The following TNRC6B variants were observed in gnomAD, a reference collection of about 807,000 sequenced individuals.
TNRC6B encodes the protein trinucleotide repeat-containing gene 6B protein.
In TNRC6B, 52 loss-of-function variants were observed where a neutral mutation model predicts 203.6. That is an observed-to-expected ratio of 0.26 (90% CI 0.20 to 0.32). The LOEUF is 0.32. TNRC6B is among the 10% of genes least tolerant of loss of function. The probability of loss-of-function intolerance (pLI) is 1.00; values close to 1 mark genes in which losing one functional copy is unlikely to be tolerated. For missense variants in TNRC6B, 1,923 were observed against 2,286.2 expected (o/e 0.84, Z 3.24); for synonymous variants, 838 against 845.7 (o/e 0.99, Z 0.16).
chr22:40,045,378 A>G lies in TNRC6B; in HGVS notation c.-121+380A>G, dbSNP rs997224883. 4 of 148,678 alleles carry G rather than the reference A, an allele frequency of 2.7e-5. No individual in the cohort carries two copies. The East Asian group carries it at 6.1e-4, about 23-fold the overall frequency. 9.2% of individuals were successfully genotyped at this position (148,678 alleles called of 1,614,324 possible). ...CGCGCGGCTCCGGGCGTCACGCGCC[A>G]GCAGGTGTGAGCTGGGGGAGGGCTT... On this transcript the variant is annotated intron_variant, in intron 1 of 23. Transcript: ENST00000301923.
At chr22:40,219,096 A>G (rs1346067116) in intron 1 of TNRC6B, among the ~76,000 whole-genome samples, 1 of 152,246 alleles carries the variant, frequency 6.6e-6, no homozygotes, top group Admixed American at 6.5e-5. Flanking sequence ...ATGAAAAGTC[A>G]AATGGACTTT....
intron 1 of TNRC6B, among the ~76,000 whole-genome samples, chr22:40,054,427 G>A (rs1287930757): frequency 1.3e-5 from 2 of 152,090 alleles, no homozygotes; most frequent in African/African-American, 4.8e-5. Context: ...CCTTCCTTGA[G>A]CATACTATTC....
intron 1 of TNRC6B, among the ~76,000 whole-genome samples, chr22:40,207,674 CAT>C (rs1472066423): frequency 3.3e-5 from 5 of 151,622 alleles, no homozygotes; most frequent in Admixed American, 1.3e-4. Context: ...TCAAAAGAAA[CAT>C]AGAAATTTCA....
intron 4 of TNRC6B, among the ~76,000 whole-genome samples, chr22:40,168,622 A>C (rs1601854857): frequency 1.3e-5 from 2 of 152,224 alleles, no homozygotes; most frequent in East Asian, 3.8e-4. Context: ...TTTAGGTTGC[A>C]TTGGAGATCT....
intron 1 of TNRC6B, among the ~76,000 whole-genome samples, chr22:40,077,055 GGAAAA>G (rs1040137442): frequency 3.1e-4 from 46 of 147,316 alleles, no homozygotes; most frequent in Admixed American, 2.6e-3. Context: ...GAAAGGAAAA[GGAAAA>G]GAAAAGAAAA....
chr22:40,186,535 C>T (rs991837395), intron 1 of TNRC6B, among the ~76,000 whole-genome samples: 2 of 151,696 alleles, frequency 1.3e-5, no homozygotes, highest in African/African-American at 4.8e-5. Context: ...GTCAGGAGAT[C>T]GAGACCATCC....
At chr22:40,086,819 TG>T (rs1256830687) in intron 1 of TNRC6B, among the ~76,000 whole-genome samples, 5 of 152,230 alleles carry the variant, frequency 3.3e-5, no homozygotes, top group Non-Finnish European at 7.3e-5. Context: ...TAAAATTGAT[TG>T]TCCTCTCTCT....
intron 12 of TNRC6B, among the ~76,000 whole-genome samples, chr22:40,286,299 C>T (rs1310925195): frequency 1.3e-5 from 2 of 151,992 alleles, no homozygotes; most frequent in Admixed American, 6.6e-5. Context: ...GCCAACATGG[C>T]GAAACCCTGT....
intron 4 of TNRC6B, among the ~76,000 whole-genome samples, chr22:40,158,846 C>T (rs1430225530): frequency 6.6e-6 from 1 of 152,110 alleles, no homozygotes; most frequent in Non-Finnish European, 1.5e-5. Flanking sequence ...TTTGAGGCAA[C>T]AACAATAAAA....
intron 1 of TNRC6B, among the ~76,000 whole-genome samples, chr22:40,086,814 T>C (rs1469279910): frequency 1.3e-5 from 2 of 152,232 alleles, no homozygotes; most frequent in Non-Finnish European, 2.9e-5. Flanking sequence ...CCCTTTAAAA[T>C]TGATTGTCCT....
intron 3 of TNRC6B, among the ~76,000 whole-genome samples, chr22:40,258,447 G>A (rs1177163014): frequency 1.3e-5 from 2 of 152,062 alleles, no homozygotes; most frequent in South Asian, 2.1e-4. Flanking sequence ...GGCAATTCTG[G>A]TTGGCCTTTA....
Position 40,329,602 on chromosome 22 carries a change from G to C in TNRC6B, c.*6361G>C, listed in dbSNP as rs2071443388. 6.6e-6 allele frequency: 1 copy of C among 152,118 alleles called. No individual in the cohort carries two copies. The highest frequency in any genetic ancestry group is 6.5e-5 in the Admixed American group (1 of 15,272). The allele number at this position is 152,118 out of a possible 1,614,324, so 9.4% of individuals were successfully genotyped here. The stretch of plus-strand genomic sequence containing the variant: ...CCCACCCCATGCCTCTGAAGAAAGA[G>C]GCCATGAACCTACGAGGTGGTAAAG... On this transcript the variant is annotated 3_prime_UTR_variant, in exon 23 of 23. Transcript: ENST00000454349.
chr22:40,295,839 C>T (rs1440300772), intron 12 of TNRC6B, among the ~76,000 whole-genome samples: 2 of 152,042 alleles, frequency 1.3e-5, no homozygotes, highest in African/African-American at 2.4e-5. Flanking sequence ...CCAGGGTTTA[C>T]AGAGTGGAGG....
chr22:40,281,366 T>C, intron 11 of TNRC6B, 77 bp downstream of exon 11: 1 of 1,260,178 alleles, frequency 7.9e-7, no homozygotes, highest in Non-Finnish European at 1.1e-6. Flanking sequence ...ATTGCATCAT[T>C]TGTCTGTCTT....
intron 1 of TNRC6B, among the ~76,000 whole-genome samples, chr22:40,203,995 C>T (rs1355230553): frequency 6.6e-6 from 1 of 152,178 alleles, no homozygotes; most frequent in African/African-American, 2.4e-5. Flanking sequence ...GCATCACCTT[C>T]CTCAGCCCTC....
intron 1 of TNRC6B, among the ~76,000 whole-genome samples, chr22:40,224,482 T>A (rs2069756960): frequency 6.6e-6 from 1 of 152,172 alleles, no homozygotes. Flanking sequence ...TTATGAAACC[T>A]AGCTCTTTGA....
intron 1 of TNRC6B, among the ~76,000 whole-genome samples, chr22:40,220,277 C>G (rs1373286926): frequency 1.3e-5 from 2 of 152,166 alleles, no homozygotes; most frequent in Non-Finnish European, 2.9e-5. Context: ...CCACAGTGGT[C>G]ATGGAGCCGG....
chr22:40,208,358 G>A (rs1447409917), intron 1 of TNRC6B, among the ~76,000 whole-genome samples: 1 of 152,142 alleles, frequency 6.6e-6, no homozygotes, highest in African/African-American at 2.4e-5. Context: ...GCCCTAAGAT[G>A]TCTGCAGCAA....
At chr22:40,222,726 CTCTTTTTTTTTT>C (rs2069727732) in intron 1 of TNRC6B, among the ~76,000 whole-genome samples, 1 of 79,072 alleles carries the variant, frequency 1.3e-5, no homozygotes, top group African/African-American at 4.6e-5. Context: ...CTCTCTCTCT[CTCTTTTTTTTTT>C]TTTTTTTTTT....
Sources: gnomAD v4.1 joint callset for allele counts (sites outside exome capture counted in the v4.1 genomes callset) on GRCh38, gnomAD v4.1.1 for gene constraint, MANE v1.5 for transcripts, NCBI Gene and HGNC (gene_info 2026-07-23, HGNC 2026-07-21) for gene names.